The following CTNND2 variants were observed in gnomAD, a reference collection of about 807,000 sequenced individuals.
The protein encoded by CTNND2 is catenin delta 2.
Under a neutral mutation model 144.4 loss-of-function variants are expected in CTNND2, and 22 were observed. The ratio of observed to expected loss-of-function variants is 0.15; its 90% CI spans 0.11 to 0.22. The LOEUF (loss-of-function observed/expected upper bound fraction) is 0.22. Ranked by LOEUF, CTNND2 falls within the 10% of genes least tolerant of loss-of-function variation. CTNND2 has a pLI of 1.00. For missense variants in CTNND2, 1,353 were observed against 1,618.8 expected, an observed-to-expected ratio of 0.84 and a Z score of 2.82; for synonymous variants, 751 against 695.6, an observed-to-expected ratio of 1.08 and a Z score of -1.25.
intron 9 of CTNND2, among the ~76,000 whole-genome samples, chr5:11,269,314 C>T (rs551775498): frequency 9.8e-5 from 15 of 152,324 alleles, no homozygotes; most frequent in African/African-American, 3.6e-4. Flanking sequence ...TGTAAGAAAA[C>T]AGCTTTATAA....
chr5:11,702,079 C>A (rs1785463476), intron 2 of CTNND2, among the ~76,000 whole-genome samples: 1 of 152,162 alleles, frequency 6.6e-6, no homozygotes, highest in South Asian at 2.1e-4. Flanking sequence ...AGGTCTACTG[C>A]AGGAAGAAAC....
intron 9 of CTNND2, among the ~76,000 whole-genome samples, chr5:11,297,447 T>C (rs1289272410): frequency 6.6e-6 from 1 of 152,224 alleles, no homozygotes; most frequent in Non-Finnish European, 1.5e-5. Context: ...TCCACAGAGC[T>C]GGTCATTAAA....
At chr5:11,583,560 C>T (rs1317664989) in intron 2 of CTNND2, among the ~76,000 whole-genome samples, 5 of 152,150 alleles carry the variant, frequency 3.3e-5, no homozygotes, top group Admixed American at 2.0e-4. Flanking sequence ...TAAATTTTCA[C>T]ATCAATCATA....
chr5:11,831,966 T>C lies in CTNND2; in HGVS notation c.37+71851A>G, dbSNP rs963999672. On this transcript the variant is annotated intron_variant, in intron 1 of 21. Coordinates refer to ENST00000304623, the MANE Select transcript of CTNND2 (RefSeq NM_001332.4). ...CAAAAGGGAGGCATCAAAGAAAAAA[T>C]ATAAAAACAAAACTTCATTAAAATA... 7.2e-5 allele frequency among the ~76,000 whole-genome samples: 11 copies of C among 151,802 alleles called. 1 individual carries two copies. The highest frequency in any genetic ancestry group is 3.4e-3 in the Middle Eastern group (1 of 294).
chr5:11,250,479 C>CTA (rs1184987967), intron 9 of CTNND2, among the ~76,000 whole-genome samples: 28 of 63,612 alleles, frequency 4.4e-4, no homozygotes, highest in African/African-American at 5.7e-4. Flanking sequence ...CTCTCTCTCT[C>CTA]TCTCTCTCTC....
intron 3 of CTNND2, among the ~76,000 whole-genome samples, chr5:11,458,771 G>A (rs1473991621): frequency 6.6e-6 from 1 of 152,060 alleles, no homozygotes; most frequent in African/African-American, 2.4e-5. Context: ...TTTATTTTTT[G>A]AGACAAGGTT....
At chr5:11,582,856 A>G (rs532755596) in intron 2 of CTNND2, among the ~76,000 whole-genome samples, 1 of 152,284 alleles carries the variant, frequency 6.6e-6, no homozygotes, top group East Asian at 1.9e-4. Flanking sequence ...ATACAATTAG[A>G]ATGCGTCGGT....
At chr5:11,879,149 G>A (rs1359806521) in intron 1 of CTNND2, among the ~76,000 whole-genome samples, 1 of 151,762 alleles carries the variant, frequency 6.6e-6, no homozygotes, top group African/African-American at 2.4e-5. Flanking sequence ...CAAGTACTCG[G>A]GACAGATGTG....
intron 16 of CTNND2, among the ~76,000 whole-genome samples, chr5:11,056,355 G>T (rs374653614): frequency 1.3e-5 from 2 of 152,158 alleles, no homozygotes; most frequent in Non-Finnish European, 2.9e-5. Context: ...AAAACAAATG[G>T]AAATGAATCT....
At chr5:11,138,989 T>A (rs970043303) in intron 12 of CTNND2, among the ~76,000 whole-genome samples, 3 of 152,070 alleles carry the variant, frequency 2.0e-5, no homozygotes, top group Non-Finnish European at 4.4e-5. Flanking sequence ...AACTTTTTTT[T>A]TTTTTTCTTT....
intron 2 of CTNND2, among the ~76,000 whole-genome samples, chr5:11,641,068 G>C (rs1018840823): frequency 6.6e-6 from 1 of 152,146 alleles, no homozygotes; most frequent in Admixed American, 6.5e-5. Flanking sequence ...GTGTCAGGAA[G>C]GTTTCTACAA....
intron 3 of CTNND2, among the ~76,000 whole-genome samples, chr5:11,428,915 A>G (rs1480370823): frequency 6.6e-6 from 1 of 152,226 alleles, no homozygotes; most frequent in Non-Finnish European, 1.5e-5. Flanking sequence ...CATCCTGTAT[A>G]TTAATATTAA....
At chr5:11,835,196 G>A (rs939300944) in intron 1 of CTNND2, among the ~76,000 whole-genome samples, 58 of 152,134 alleles carry the variant, frequency 3.8e-4, no homozygotes, top group African/African-American at 1.3e-3. Flanking sequence ...TTATACTGTT[G>A]GATTTGATTT....
At chr5:11,614,505 G>A (rs867598659) in intron 2 of CTNND2, among the ~76,000 whole-genome samples, 4 of 152,254 alleles carry the variant, frequency 2.6e-5, no homozygotes, top group East Asian at 1.9e-4. Context: ...TGGCATTAGC[G>A]TATTAAGATG....
intron 6 of CTNND2, among the ~76,000 whole-genome samples, chr5:11,394,418 G>C (rs1275006115): frequency 2.0e-5 from 3 of 152,146 alleles, no homozygotes; most frequent in Admixed American, 2.0e-4. Flanking sequence ...GGTCTGTGGA[G>C]GGGTGACCTA....
In CTNND2 at chr5:11,384,943, G is replaced by A; in HGVS notation, c.899C>T (p.Pro300Leu). The A allele has an allele frequency of 3.1e-6, 5 of 1,588,270 alleles. No individual in the cohort carries two copies. The highest frequency in any genetic ancestry group is 1.7e-6 in the Non-Finnish European group (2 of 1,170,208). The change falls in exon 7 of 22, where the codon CCC becomes CTC. Residue 300 changes from proline to leucine, a missense_variant. Around this residue, in one of 4 missense-constraint regions of CTNND2, gnomAD observed 708 missense variants for 706.4 expected, o/e 1.00. Coordinates refer to ENST00000304623, the MANE Select transcript of CTNND2 (RefSeq NM_001332.4). This position sits in a 1 kb window ranked among gnomAD's most constrained non-coding sequence, Gnocchi z 5.2. ...GGCCAGGCGGCTGGGCGACTGCTTGGGCGAGGAGCCGCGCGGCGCGGCGTA... is the reference window on the plus strand; with the variant it reads ...GGCCAGGCGGCTGGGCGACTGCTTGAGCGAGGAGCCGCGCGGCGCGGCGTA... ...ATYAAPRGSS[P>L]KQSPSRLAKS... is the part of the protein sequence containing the mutation.
chr5:11,182,807 C>G (rs1024644423), intron 11 of CTNND2, among the ~76,000 whole-genome samples: 1 of 152,172 alleles, frequency 6.6e-6, no homozygotes, highest in Non-Finnish European at 1.5e-5. Context: ...ATAGATATAG[C>G]TGTTTCCATA....
At chr5:11,129,207 A>AT (rs1195874904) in intron 12 of CTNND2, among the ~76,000 whole-genome samples, 3 of 38,208 alleles carry the variant, frequency 7.9e-5, no homozygotes, top group Non-Finnish European at 9.5e-5. Context: ...TATATTATAT[A>AT]TTTATATATT....
At chr5:11,787,028 TG>T (rs1390065054) in intron 1 of CTNND2, among the ~76,000 whole-genome samples, 1 of 152,190 alleles carries the variant, frequency 6.6e-6, no homozygotes, top group African/African-American at 2.4e-5. Context: ...CCTCCAGACC[TG>T]GAGTCGGCAG....
Sources: allele counts gnomAD v4.1 joint callset (sites outside exome capture counted in the v4.1 genomes callset), GRCh38; gene constraint gnomAD v4.1.1; regional missense constraint gnomAD v4.1.1; non-coding constraint Gnocchi (gnomAD v3.1); transcripts MANE v1.5; gene names NCBI Gene and HGNC (gene_info 2026-07-23, HGNC 2026-07-21).